Variants in SAMTOR observed in about 807,000 individuals in gnomAD.
SAMTOR encodes UPF0532 protein C7orf60.
chr7:112,882,584 G>A, the SAMTOR span, among the ~76,000 whole-genome samples: 1 of 151,868 alleles, frequency 6.6e-6, no homozygotes, highest in African/African-American at 2.4e-5. Flanking sequence ...AGCTACTCAG[G>A]AGGCTGAGGC....
At chr7:112,872,447 T>C in the SAMTOR span, among the ~76,000 whole-genome samples, 1 of 151,720 alleles carries the variant, frequency 6.6e-6, no homozygotes. Context: ...CTCAACAAAC[T>C]AGGCATCTAA....
chr7:112,837,371 T>C, the SAMTOR span, among the ~76,000 whole-genome samples: 1 of 152,058 alleles, frequency 6.6e-6, no homozygotes, highest in Admixed American at 6.6e-5. Flanking sequence ...TAGAATCATG[T>C]CATCTGCAAA....
chr7:112,823,029 T>A, the SAMTOR span, among the ~76,000 whole-genome samples: 1 of 152,102 alleles, frequency 6.6e-6, no homozygotes, highest in Non-Finnish European at 1.5e-5. Flanking sequence ...CTTAAAACTA[T>A]GGAAATGAAT....
chr7:112,901,829 C>T, the SAMTOR span, among the ~76,000 whole-genome samples: 1 of 152,154 alleles, frequency 6.6e-6, no homozygotes, highest in East Asian at 1.9e-4. Context: ...GATGAGAATG[C>T]AAAATGTTAC....
At chr7:112,912,486 C>T in the SAMTOR span, among the ~76,000 whole-genome samples, 5 of 152,108 alleles carry the variant, frequency 3.3e-5, no homozygotes, top group South Asian at 2.1e-4. Context: ...TTTTGTCCAA[C>T]CCTTTTTAAA....
At chr7:112,939,817 G>C in the SAMTOR span, 1 of 1,311,642 alleles carries the variant, frequency 7.6e-7, no homozygotes. Context: ...GGAGGAGGTG[G>C]GGTAGGAGGA....
the SAMTOR span, among the ~76,000 whole-genome samples, chr7:112,933,976 A>G: frequency 6.6e-6 from 1 of 152,250 alleles, no homozygotes; most frequent in South Asian, 2.1e-4. Context: ...AAAGACTGGG[A>G]CTCTTTGAAA....
chr7:112,934,334 G>C, the SAMTOR span, among the ~76,000 whole-genome samples: 4 of 152,122 alleles, frequency 2.6e-5, no homozygotes, highest in African/African-American at 9.7e-5. Context: ...ACTTCCAAAG[G>C]ATAGATTGCA....
the SAMTOR span, among the ~76,000 whole-genome samples, chr7:112,824,666 C>CT: frequency 9.3e-4 from 140 of 151,258 alleles, no homozygotes; most frequent in Admixed American, 3.2e-3. Flanking sequence ...CAGCCAAGGT[C>CT]TTTTTTTTTA....
At chr7:112,896,818 A>T in the SAMTOR span, among the ~76,000 whole-genome samples, 1 of 152,236 alleles carries the variant, frequency 6.6e-6, no homozygotes, top group African/African-American at 2.4e-5. Context: ...AATCAGCAAT[A>T]TAAATGGATT....
chr7:112,926,253 C>T, the SAMTOR span, among the ~76,000 whole-genome samples: 2 of 152,072 alleles, frequency 1.3e-5, no homozygotes, highest in South Asian at 2.1e-4. Context: ...TGAGGCAACA[C>T]AGGCATCTGT....
chr7:112,882,559 C>T, the SAMTOR span, among the ~76,000 whole-genome samples: 5 of 151,854 alleles, frequency 3.3e-5, no homozygotes, highest in Admixed American at 2.6e-4. Flanking sequence ...TGTGGTGGCA[C>T]GTGCCTGTAA....
chr7:112,897,831 C>T, the SAMTOR span, among the ~76,000 whole-genome samples: 3 of 152,158 alleles, frequency 2.0e-5, no homozygotes, highest in South Asian at 6.2e-4. Context: ...AGTAACTATC[C>T]ATGCAAAAAA....
the SAMTOR span, among the ~76,000 whole-genome samples, chr7:112,924,181 C>G: frequency 6.6e-6 from 1 of 151,384 alleles, no homozygotes. Flanking sequence ...TACCCTAAAA[C>G]TTAAAGTATA....
At chr7:112,870,190 A>G in the SAMTOR span, among the ~76,000 whole-genome samples, 2 of 152,184 alleles carry the variant, frequency 1.3e-5, 1 homozygote, top group South Asian at 4.1e-4. Flanking sequence ...CAGATGCAGA[A>G]ATCCAGAGAA....
chr7:112,896,207 G>A, the SAMTOR span, among the ~76,000 whole-genome samples: 5 of 152,028 alleles, frequency 3.3e-5, no homozygotes, highest in African/African-American at 7.2e-5. Flanking sequence ...GCGCGCACGC[G>A]CGTGTGTGTG....
the SAMTOR span, among the ~76,000 whole-genome samples, chr7:112,828,453 G>A: frequency 6.6e-6 from 1 of 152,126 alleles, no homozygotes; most frequent in Non-Finnish European, 1.5e-5. Context: ...CTCCCTGTGT[G>A]CTTGTTTCTG....
At chr7:112,890,158 G>A in the SAMTOR span, among the ~76,000 whole-genome samples, 4 of 152,226 alleles carry the variant, frequency 2.6e-5, no homozygotes, top group Admixed American at 1.3e-4. Context: ...ACCCAAGAGG[G>A]CCTAGAAGAA....
At chr7:112,843,702 C>T in the SAMTOR span, among the ~76,000 whole-genome samples, 2 of 151,938 alleles carry the variant, frequency 1.3e-5, no homozygotes, top group Non-Finnish European at 2.9e-5. Context: ...CAGAATTCTA[C>T]AGCTGTAGAA....
Sources: allele counts gnomAD v4.1 joint callset (sites outside exome capture counted in the v4.1 genomes callset), GRCh38; gene constraint gnomAD v4.1.1; transcripts MANE v1.5; gene names NCBI Gene and HGNC (gene_info 2026-07-23, HGNC 2026-07-21).